Variants in FOCAD observed in about 807,000 individuals in gnomAD.
The protein encoded by FOCAD is KIAA1797.
In FOCAD, 198 loss-of-function variants were observed where a neutral mutation model predicts 225.6. The observed-to-expected ratio is 0.88, with a 90% confidence interval of 0.78 to 0.99. The LOEUF (loss-of-function observed/expected upper bound fraction) is 0.99. Ranked by LOEUF, FOCAD falls within the 50% of genes least tolerant of loss-of-function variation. The pLI is 0.00. For missense variants in FOCAD, 2,713 were observed against 2,123.6 expected (o/e 1.28, Z -5.46); for synonymous variants, 897 against 755.0 (o/e 1.19, Z -3.08).
chr9:20,733,231 G>GT (rs775319783), intron 4 of FOCAD, among the ~76,000 whole-genome samples: 9 of 152,210 alleles, frequency 5.9e-5, no homozygotes, highest in Non-Finnish European at 1.2e-4. Flanking sequence ...TAAATGACAT[G>GT]TTTTTGTGTC....
chr9:20,979,209 C>T (rs951111093), intron 37 of FOCAD, among the ~76,000 whole-genome samples: 1 of 152,228 alleles, frequency 6.6e-6, no homozygotes, highest in Non-Finnish European at 1.5e-5. Context: ...ATGCTGTCAT[C>T]TTTTAATTGT....
intron 6 of FOCAD, among the ~76,000 whole-genome samples, chr9:20,762,635 A>G (rs1169175994): frequency 1.3e-5 from 2 of 152,170 alleles, no homozygotes; most frequent in African/African-American, 2.4e-5. Context: ...TTGTAAGACT[A>G]TGTTGTCAAG....
intron 42 of FOCAD, among the ~76,000 whole-genome samples, chr9:20,991,781 G>A (rs372302617): frequency 6.2e-4 from 82 of 132,778 alleles, no homozygotes; most frequent in South Asian, 2.1e-3. Context: ...CCGCTGCTCT[G>A]CAGCCTGGCT....
chr9:20,927,468 A>G (rs982229751), intron 26 of FOCAD, among the ~76,000 whole-genome samples: 1 of 152,056 alleles, frequency 6.6e-6, no homozygotes, highest in East Asian at 1.9e-4. Flanking sequence ...AATATACTTT[A>G]TGTAAAAAGT....
At chr9:20,973,561 CTA>C (rs1236874457) in intron 35 of FOCAD, among the ~76,000 whole-genome samples, 1 of 148,662 alleles carries the variant, frequency 6.7e-6, no homozygotes, top group East Asian at 2.0e-4. Flanking sequence ...CTCCTTTTTC[CTA>C]TGTTTCTCCT....
At chr9:20,788,392 A>G (rs1820163637) in intron 10 of FOCAD, among the ~76,000 whole-genome samples, 1 of 152,220 alleles carries the variant, frequency 6.6e-6, no homozygotes. Flanking sequence ...TGATGGTTGC[A>G]CAGCTCTAGG....
At position 20,966,463 on chromosome 9, in the gene FOCAD, A is replaced by G. The variant is rs143977483; in HGVS notation, c.4133-9957A>G. The stretch of plus-strand genomic sequence containing the variant: ...TATAATTTGCAAATTCTGCCATTCT[A>G]TAGATTGTCTTTCATTTACTTGATA... On this transcript the variant is annotated intron_variant, in intron 35 of 43. Transcript: ENST00000338382. Among the ~76,000 whole-genome samples, 1,487 of 152,194 alleles carry G rather than the reference A, an allele frequency of 9.8e-3. 10 individuals carry two copies. Among genetic ancestry groups the G allele is most frequent in the Non-Finnish European group, 0.013 (879 of 67,996 alleles).
intron 27 of FOCAD, among the ~76,000 whole-genome samples, chr9:20,929,865 A>G (rs1835301773): frequency 6.6e-6 from 1 of 152,184 alleles, no homozygotes; most frequent in South Asian, 2.1e-4. Context: ...TGAAAGCCCC[A>G]GGTACCTATG....
intron 1 of FOCAD, among the ~76,000 whole-genome samples, chr9:20,702,020 T>C (rs1396979211): frequency 6.6e-6 from 1 of 152,224 alleles, no homozygotes. Context: ...AACCGTTTGC[T>C]ATGTTCATGG....
rs1824835516 is a variant in FOCAD, at chr9:20,825,860, T to C, written c.1920+2745T>C. Among the ~76,000 whole-genome samples the C allele has an allele frequency of 2.0e-5, 3 of 152,196 alleles. No individual in the cohort carries two copies. The South Asian group carries it at 6.2e-4, about 32-fold the overall frequency. ...CCTTCCAACTCTTTCAAGGTAAAGA[T>C]TGTGTTTTCAATATGGGTTTCTTTA... is the stretch of plus-strand genomic sequence containing the variant. On this transcript the variant is annotated intron_variant, in intron 15 of 43. Coordinates refer to ENST00000338382, the MANE Select transcript of FOCAD (RefSeq NM_001375567.1).
intron 22 of FOCAD, among the ~76,000 whole-genome samples, chr9:20,908,103 T>A (rs1464898912): frequency 6.6e-6 from 1 of 152,110 alleles, no homozygotes; most frequent in East Asian, 1.9e-4. Context: ...ATAATTTTAA[T>A]CAGTTGGGGA....
At chr9:20,932,029 A>C (rs1835529878) in intron 27 of FOCAD, among the ~76,000 whole-genome samples, 1 of 152,098 alleles carries the variant, frequency 6.6e-6, no homozygotes, top group South Asian at 2.1e-4. Flanking sequence ...ATGTTGTTCC[A>C]CAGCTTCTTG....
intron 15 of FOCAD, 58 bp downstream of exon 15, chr9:20,823,173 T>G: frequency 3.3e-6 from 5 of 1,533,606 alleles, no homozygotes; most frequent in Non-Finnish European, 4.4e-6. Flanking sequence ...TAAGGCAGAG[T>G]GGGTACAAGA....
At chr9:20,944,265 G>A (rs1360466609) in intron 28 of FOCAD, among the ~76,000 whole-genome samples, 1 of 152,180 alleles carries the variant, frequency 6.6e-6, no homozygotes, top group Non-Finnish European at 1.5e-5. Context: ...CAACATGCAG[G>A]TAGGGGTGTT....
Position 20,820,373 on chromosome 9 carries a change from C to G in FOCAD, c.1610C>G (p.Pro537Arg), listed in dbSNP as rs751218659. The G allele has an allele frequency of 7.4e-6, 12 of 1,612,824 alleles. No homozygotes were observed. Among genetic ancestry groups the G allele is most frequent in the African/African-American group, 2.7e-5 (2 of 74,922 alleles). ...ATAATACAACTACTTGGAACCACACCACGACTAAGAGCTGTCACTTTGCGC... is the reference window on the plus strand; with the variant it reads ...ATAATACAACTACTTGGAACCACACGACGACTAAGAGCTGTCACTTTGCGC... ...LRIIQLLGTTPRLRAVTLRLL... is the reference protein window; with the variant it reads ...LRIIQLLGTTRRLRAVTLRLL... Residue 537 changes from proline to arginine, a missense_variant, in exon 13 of 44, where the codon CCA becomes CGA. Coordinates refer to ENST00000338382, the MANE Select transcript of FOCAD (RefSeq NM_001375567.1).
chr9:20,879,881 C>G (rs74932898), intron 19 of FOCAD, among the ~76,000 whole-genome samples: 6 of 152,162 alleles, frequency 3.9e-5, no homozygotes, highest in African/African-American at 7.2e-5. Context: ...CTGGGTTAGT[C>G]TATGTGCAGA....
intron 22 of FOCAD, among the ~76,000 whole-genome samples, chr9:20,911,442 C>G (rs973662321): frequency 1.3e-5 from 2 of 152,042 alleles, no homozygotes; most frequent in Admixed American, 6.6e-5. Context: ...ACTTTATAGT[C>G]TGGATATTAC....
Position 20,950,977 on chromosome 9 carries a change from G to T in FOCAD, c.3949-19G>T, listed in dbSNP as rs1016445008. The T allele has an allele frequency of 6.3e-7, 1 of 1,599,638 alleles. No individual in the cohort carries two copies. The highest frequency in any genetic ancestry group is 1.3e-5 in the African/African-American group (1 of 74,588). ...TTGGATCTTATCCCATCATTGAACT[G>T]TTACCTTTTTATTTGTAGGTCATTA... On this transcript the variant is annotated intron_variant, in intron 33 of 43. Coordinates refer to ENST00000338382, the MANE Select transcript of FOCAD (RefSeq NM_001375567.1).
At chr9:20,863,861 T>C (rs1828998496) in intron 16 of FOCAD, among the ~76,000 whole-genome samples, 2 of 152,162 alleles carry the variant, frequency 1.3e-5, no homozygotes, top group Non-Finnish European at 2.9e-5. Flanking sequence ...AATCAGATTT[T>C]ATTACAGGTT....
Sources: gnomAD v4.1 joint callset for allele counts (sites outside exome capture counted in the v4.1 genomes callset) on GRCh38, gnomAD v4.1.1 for gene constraint, MANE v1.5 for transcripts, NCBI Gene and HGNC (gene_info 2026-07-23, HGNC 2026-07-21) for gene names.